Variants in DIAPH2 observed in about 807,000 individuals in gnomAD.
DIAPH2 encodes protein diaphanous homolog 2.
In DIAPH2, 35 loss-of-function variants were observed where a neutral mutation model predicts 92.7. The observed-to-expected ratio is 0.38, with a 90% CI of 0.29 to 0.50. DIAPH2 has a LOEUF of 0.50. Among genes scored for constraint, DIAPH2 ranks in the 20% least tolerant of loss-of-function variants. The probability of loss-of-function intolerance (pLI) is 0.94; values close to 1 mark genes in which losing one functional copy is unlikely to be tolerated. For synonymous variants in DIAPH2, 301 were observed against 280.4 expected (o/e 1.07, Z -0.73); for missense variants, 701 against 819.5 (o/e 0.86, Z 1.77).
intron 24 of DIAPH2, among the ~76,000 whole-genome samples, chrX:97,374,030 A>G (rs1202472965): frequency 1.8e-5 from 2 of 110,408 alleles, no homozygotes; most frequent in African/African-American, 6.6e-5. Context: ...GTCAGATCAC[A>G]TAAGGCTTTA....
At chrX:96,749,661 G>A (rs1027910511) in intron 3 of DIAPH2, among the ~76,000 whole-genome samples, 6 of 111,888 alleles carry the variant, frequency 5.4e-5, no homozygotes, top group Admixed American at 3.8e-4. Flanking sequence ...CTAATCTGGG[G>A]TGTTGCATTT....
intron 5 of DIAPH2, among the ~76,000 whole-genome samples, chrX:96,896,765 T>C (rs2065347342): frequency 8.9e-6 from 1 of 112,089 alleles, no homozygotes; most frequent in Non-Finnish European, 1.9e-5. Flanking sequence ...TAGCTATATT[T>C]CTAGAGTTTT....
At chrX:97,225,365 G>C (rs2067956997) in intron 22 of DIAPH2, among the ~76,000 whole-genome samples, 1 of 111,348 alleles carries the variant, frequency 9.0e-6, no homozygotes, top group South Asian at 3.8e-4. Context: ...TTATATGCAA[G>C]GAAGGCTCTG....
intron 22 of DIAPH2, among the ~76,000 whole-genome samples, chrX:97,201,849 C>G (rs1290176626): frequency 1.8e-5 from 2 of 110,555 alleles, no homozygotes; most frequent in Non-Finnish European, 3.8e-5. Flanking sequence ...AAGGTCAACC[C>G]CAAGACAAAT....
intron 3 of DIAPH2, among the ~76,000 whole-genome samples, chrX:96,755,617 C>T (rs1229698521): frequency 1.8e-5 from 2 of 110,421 alleles, no homozygotes; most frequent in Non-Finnish European, 3.8e-5. Context: ...CGCGCCACTG[C>T]ACTCCAGCCT....
chrX:97,562,760 A>T (rs1469332763), intron 26 of DIAPH2, among the ~76,000 whole-genome samples: 2 of 111,658 alleles, frequency 1.8e-5, no homozygotes, highest in Admixed American at 9.5e-5. Context: ...TATTAAGGGA[A>T]CACCCTATAG....
intron 9 of DIAPH2, among the ~76,000 whole-genome samples, chrX:96,929,765 C>T (rs756142847): frequency 3.6e-5 from 4 of 109,855 alleles, no homozygotes; most frequent in Non-Finnish European, 1.9e-5. Flanking sequence ...CCGAGGATTC[C>T]CCTTGTAGTT....
intron 26 of DIAPH2, among the ~76,000 whole-genome samples, chrX:97,532,940 A>T (rs1357911588): frequency 9.0e-6 from 1 of 111,729 alleles, no homozygotes; most frequent in African/African-American, 3.2e-5. Flanking sequence ...AATTAGTCAA[A>T]TTTAATCTTA....
At chrX:97,339,893 C>T (rs1268395656) in intron 23 of DIAPH2, among the ~76,000 whole-genome samples, 1 of 112,185 alleles carries the variant, frequency 8.9e-6, no homozygotes, top group Non-Finnish European at 1.9e-5. Flanking sequence ...ATATGTCCCA[C>T]TTCACTGCCA....
intron 22 of DIAPH2, among the ~76,000 whole-genome samples, chrX:97,186,518 C>T (rs1015173567): frequency 9.0e-6 from 1 of 111,669 alleles, no homozygotes; most frequent in East Asian, 2.8e-4. Context: ...AAACAGTTGC[C>T]AGTAGTTTGG....
chrX:96,832,753 A>G (rs2064863363), intron 4 of DIAPH2, among the ~76,000 whole-genome samples: 1 of 111,883 alleles, frequency 8.9e-6, no homozygotes, highest in African/African-American at 3.2e-5. Flanking sequence ...CCATTTTTCC[A>G]TGATTTCATA....
intron 22 of DIAPH2, among the ~76,000 whole-genome samples, chrX:97,188,112 T>A (rs1264403053): frequency 6.3e-5 from 7 of 111,878 alleles, no homozygotes; most frequent in Non-Finnish European, 3.8e-5. Context: ...AGATTGCAGA[T>A]AAAATCTTAG....
intron 26 of DIAPH2, among the ~76,000 whole-genome samples, chrX:97,557,249 G>A (rs2071263588): frequency 9.0e-6 from 1 of 111,586 alleles, no homozygotes; most frequent in African/African-American, 3.3e-5. Context: ...CAAAGAATTG[G>A]GGCTTTAGGC....
chrX:96,787,899 C>T (rs771416160), intron 4 of DIAPH2, among the ~76,000 whole-genome samples: 22 of 105,122 alleles, frequency 2.1e-4, no homozygotes, highest in Admixed American at 1.4e-3. Flanking sequence ...TTAGTAGAGA[C>T]GGGTTTCTCC....
chrX:97,504,975 A>G (rs1177692948), intron 26 of DIAPH2, among the ~76,000 whole-genome samples: 1 of 111,797 alleles, frequency 8.9e-6, no homozygotes. Context: ...TGTAATAAAC[A>G]TAGGTTAGAA....
intron 17 of DIAPH2, among the ~76,000 whole-genome samples, chrX:97,041,885 A>G (rs1257064753): frequency 9.0e-6 from 1 of 111,538 alleles, no homozygotes; most frequent in Non-Finnish European, 1.9e-5. Flanking sequence ...TTCAGGCTAG[A>G]CATTAGTATA....
intron 22 of DIAPH2, among the ~76,000 whole-genome samples, chrX:97,146,061 T>C (rs778336324): frequency 4.5e-4 from 46 of 101,168 alleles, no homozygotes; most frequent in African/African-American, 1.6e-3. Context: ...AAATACTTTT[T>C]GTATTAGTCT....
At chrX:96,696,291 C>A (rs1231112194) in intron 1 of DIAPH2, among the ~76,000 whole-genome samples, 1 of 111,788 alleles carries the variant, frequency 8.9e-6, no homozygotes, top group African/African-American at 3.3e-5. Context: ...TAGAGATAAG[C>A]CGACTACTTT....
intron 15 of DIAPH2, among the ~76,000 whole-genome samples, chrX:96,951,166 A>G: frequency 9.1e-6 from 1 of 110,050 alleles, no homozygotes; most frequent in Non-Finnish European, 1.9e-5. Flanking sequence ...GCACCCTTCA[A>G]CATCTCCTGG....
Sources: allele counts gnomAD v4.1 joint callset (sites outside exome capture counted in the v4.1 genomes callset), GRCh38; gene constraint gnomAD v4.1.1; transcripts MANE v1.5; gene names NCBI Gene and HGNC (gene_info 2026-07-23, HGNC 2026-07-21).